Variants in MAP3K19 observed in about 807,000 individuals in gnomAD.
MAP3K19 encodes mitogen-activated protein kinase kinase kinase 19.
MAP3K19 carries 91 observed loss-of-function variants against 114.4 expected under a neutral mutation model. The ratio of observed to expected loss-of-function variants is 0.80; its 90% confidence interval spans 0.67 to 0.95. The LOEUF is 0.95. Ranked by LOEUF, MAP3K19 falls within the 40% of genes least tolerant of loss-of-function variation. MAP3K19 has a pLI of 0.00. For synonymous variants in MAP3K19, 518 were observed against 530.5 expected, an observed-to-expected ratio of 0.98 and a Z score of 0.32; for missense variants, 1,471 against 1,573.2, an observed-to-expected ratio of 0.94 and a Z score of 1.10.
intron 1 of MAP3K19, among the ~76,000 whole-genome samples, chr2:135,046,323 A>G (rs1231202539): frequency 6.6e-6 from 1 of 151,774 alleles, no homozygotes; most frequent in Non-Finnish European, 1.5e-5. Context: ...TATCGCCCAG[A>G]CTGGAGTACA....
intron 5 of MAP3K19, among the ~76,000 whole-genome samples, chr2:135,017,139 AT>A (rs150116160): frequency 0.028 from 4,188 of 152,236 alleles, 90 homozygotes; most frequent in South Asian, 0.048. Flanking sequence ...GGCTCTTCAT[AT>A]TAAGGAAGAT....
intron 12 of MAP3K19, among the ~76,000 whole-genome samples, chr2:134,966,377 C>A (rs1683347598): frequency 6.6e-6 from 1 of 151,800 alleles, no homozygotes; most frequent in Non-Finnish European, 1.5e-5. Flanking sequence ...ACGTGAGTTT[C>A]CTTATCTACA....
intron 5 of MAP3K19, among the ~76,000 whole-genome samples, chr2:135,018,046 C>A (rs1300396323): frequency 2.0e-5 from 3 of 152,076 alleles, no homozygotes; most frequent in African/African-American, 4.8e-5. Flanking sequence ...AATCCCAGCA[C>A]TCTGGGAGGC....
At chr2:134,992,170 G>A (rs923272304) in intron 8 of MAP3K19, among the ~76,000 whole-genome samples, 1 of 152,120 alleles carries the variant, frequency 6.6e-6, no homozygotes, top group Non-Finnish European at 1.5e-5. Flanking sequence ...CACTAACTTC[G>A]GAGGCGTTTC....
chr2:135,018,800 T>A (rs973342523), intron 5 of MAP3K19, among the ~76,000 whole-genome samples: 1 of 152,082 alleles, frequency 6.6e-6, no homozygotes, highest in Non-Finnish European at 1.5e-5. Context: ...TTAACTCAAA[T>A]TCCGCTGGGC....
At chr2:134,995,548 A>G (rs1685924904) in intron 8 of MAP3K19, among the ~76,000 whole-genome samples, 1 of 152,192 alleles carries the variant, frequency 6.6e-6, no homozygotes, top group Admixed American at 6.5e-5. Flanking sequence ...CCTGATATCT[A>G]ATCACCTGTA....
intron 12 of MAP3K19, among the ~76,000 whole-genome samples, chr2:134,970,217 T>C (rs1044276462): frequency 7.2e-5 from 11 of 152,244 alleles, no homozygotes; most frequent in African/African-American, 2.7e-4. Flanking sequence ...CTTTGGTTAG[T>C]ATGACCACTT....
At chr2:134,983,629 T>TTG in intron 11 of MAP3K19, 47 bp downstream of exon 11, 1 of 1,180,686 alleles carries the variant, frequency 8.5e-7, no homozygotes, top group Non-Finnish European at 1.1e-6. Flanking sequence ...AGGGAGGGAC[T>TTG]GTGGGGGGGT....
chr2:135,028,789 C>T (rs995408808), intron 3 of MAP3K19, among the ~76,000 whole-genome samples: 1 of 152,116 alleles, frequency 6.6e-6, no homozygotes, highest in East Asian at 1.9e-4. Context: ...TAAGTATACT[C>T]AGTGTCTCTA....
At chr2:135,013,069 T>C (rs1171065310) in intron 5 of MAP3K19, among the ~76,000 whole-genome samples, 1 of 152,054 alleles carries the variant, frequency 6.6e-6, no homozygotes, top group Non-Finnish European at 1.5e-5. Context: ...CCTGTAATCC[T>C]AACACTTTGG....
In MAP3K19 at chr2:134,981,301, G is replaced by C; in HGVS notation, c.3440C>G (p.Ser1147Ter). ...SIFMEFVPGGSISSIINRFGP... is the reference protein window; with the variant it reads ...SIFMEFVPGG ...AAAACGGTTTATAATACTAGAGATTGAGCCACCAGGAACAAACTCCATGAA... is the reference window on the plus strand; with the variant it reads ...AAAACGGTTTATAATACTAGAGATTCAGCCACCAGGAACAAACTCCATGAA... Residue 1147 changes from serine to a stop codon, truncating the protein, a stop_gained, in exon 12 of 13, where the codon TCA becomes TGA. Coordinates refer to ENST00000392915, the MANE Select transcript of MAP3K19 (RefSeq NM_025052.5). LOFTEE classifies it high-confidence loss of function. The C allele has an allele frequency of 3.7e-6, 6 of 1,614,194 alleles. No individual in the cohort carries two copies. The highest frequency in any genetic ancestry group is 5.1e-6 in the Non-Finnish European group (6 of 1,180,038).
intron 5 of MAP3K19, among the ~76,000 whole-genome samples, chr2:135,015,792 C>T (rs922002537): frequency 5.3e-5 from 8 of 151,608 alleles, no homozygotes; most frequent in African/African-American, 1.2e-4. Flanking sequence ...ACTCGGGAGG[C>T]GGAGGCAGGA....
At chr2:134,968,127 T>C (rs1322959236) in intron 12 of MAP3K19, among the ~76,000 whole-genome samples, 2 of 152,146 alleles carry the variant, frequency 1.3e-5, no homozygotes, top group Non-Finnish European at 2.9e-5. Flanking sequence ...CCTAATCCAT[T>C]TAACCCTGAG....
At chr2:134,983,875 G>A (rs751315347) in intron 10 of MAP3K19, 50 bp from the exon 11 acceptor site, 1 of 1,332,342 alleles carries the variant, frequency 7.5e-7, no homozygotes, top group South Asian at 1.5e-5. Flanking sequence ...AAGTCACTGG[G>A]ATGGAGAGAA....
chr2:135,002,433 A>C (rs193238949), intron 6 of MAP3K19, among the ~76,000 whole-genome samples: 2 of 152,028 alleles, frequency 1.3e-5, no homozygotes, highest in East Asian at 3.9e-4. Context: ...ATTTTATTTT[A>C]TTTTATTTTA....
chr2:135,016,465 T>A (rs1481859819), intron 5 of MAP3K19, among the ~76,000 whole-genome samples: 1 of 152,218 alleles, frequency 6.6e-6, no homozygotes, highest in Non-Finnish European at 1.5e-5. Context: ...TTGTTCTTCT[T>A]CAATATTGCC....
intron 5 of MAP3K19, among the ~76,000 whole-genome samples, chr2:135,012,356 G>T (rs531455075): frequency 2.0e-5 from 3 of 152,262 alleles, no homozygotes; most frequent in South Asian, 2.1e-4. Flanking sequence ...TCACTCCCTT[G>T]TTGGGAACCA....
chr2:134,995,158 T>G (rs545592072), intron 8 of MAP3K19, among the ~76,000 whole-genome samples: 1 of 151,636 alleles, frequency 6.6e-6, no homozygotes, highest in Non-Finnish European at 1.5e-5. Flanking sequence ...CCAAAGAAAT[T>G]TTTTTAAAGT....
intron 6 of MAP3K19, among the ~76,000 whole-genome samples, chr2:135,004,964 A>G (rs1334749772): frequency 6.6e-6 from 1 of 152,144 alleles, no homozygotes; most frequent in East Asian, 1.9e-4. Flanking sequence ...AAAGAAATGG[A>G]CAGGGAATGG....
Sources: allele counts gnomAD v4.1 joint callset (sites outside exome capture counted in the v4.1 genomes callset), GRCh38; gene constraint gnomAD v4.1.1; transcripts MANE v1.5; gene names NCBI Gene and HGNC (gene_info 2026-07-23, HGNC 2026-07-21).